URGCP: variants seen among roughly 807,000 people sequenced by gnomAD.
URGCP encodes up-regulator of cell proliferation.
Under a neutral mutation model 24.6 loss-of-function variants are expected in URGCP, and 13 were observed. That is an observed-to-expected ratio of 0.53 (90% CI 0.34 to 0.84). URGCP has a LOEUF of 0.84. Among genes scored for constraint, URGCP ranks in the 40% least tolerant of loss-of-function variants. The pLI, the probability that URGCP is intolerant of heterozygous loss-of-function variation, is 0.01. For synonymous variants in URGCP, 444 were observed against 487.2 expected, an observed-to-expected ratio of 0.91 and a Z score of 1.17; for missense variants, 899 against 1,194.3, an observed-to-expected ratio of 0.75 and a Z score of 3.64.
At chr7:43,923,286 T>C (rs1486497515) in intron 1 of URGCP, among the ~76,000 whole-genome samples, 1 of 150,856 alleles carries the variant, frequency 6.6e-6, no homozygotes, top group Non-Finnish European at 1.5e-5. Context: ...CCAGCCTTTT[T>C]TTTTTTTTTT....
rs2095878707 is a variant in URGCP, at chr7:43,896,486, A to G, written c.15-8670T>C. On this transcript the variant is annotated intron_variant, in intron 1 of 5. Coordinates refer to ENST00000453200, the MANE Select transcript of URGCP (RefSeq NM_001077663.3). ...AAAAAAAAAAAAGATACAAAATTAC[A>G]GTTAGGTAGGAGAATGGGATCTGGT... Among the ~76,000 whole-genome samples, 2 of 151,894 alleles carry G rather than the reference A, an allele frequency of 1.3e-5. 1 individual carries two copies. The highest frequency in any genetic ancestry group is 4.1e-4 in the South Asian group (2 of 4,820).
Position 43,879,213 on chromosome 7 carries a change from T to A in URGCP, c.250A>T (p.Thr84Ser). 6.2e-7 allele frequency: 1 copy of A among 1,613,138 alleles called. No homozygotes were observed. The highest frequency in any genetic ancestry group is 1.1e-5 in the South Asian group (1 of 91,016). ...AGGCTGAGTTTCTGGACCTGGTACG[T>A]CTCTAGGCCCAAAAGTGACAGCATT... Reference protein sequence around the residue: ...QEMLSLLGLETYQVQKLSLQD... With the variant: ...QEMLSLLGLESYQVQKLSLQD... The change falls in exon 6 of 6, where the codon ACG becomes TCG. Residue 84 changes from threonine (T) to serine (S), a missense_variant. By Grantham distance (58) the Thr-to-Ser change is moderately conservative (BLOSUM62 1). Transcript: ENST00000453200.
chr7:43,919,281 A>C, intron 1 of URGCP: 1 of 820,378 alleles, frequency 1.2e-6, no homozygotes, highest in South Asian at 1.3e-5. Context: ...CAAGAGGCTG[A>C]TGCAGAACGC....
intron 1 of URGCP, among the ~76,000 whole-genome samples, chr7:43,900,326 ACGCCTGTAAT>A: frequency 7.0e-6 from 1 of 143,048 alleles, no homozygotes; most frequent in East Asian, 2.2e-4. Context: ...ATGGTGGTGC[ACGCCTGTAAT>A]CCCAGCTACT....
rs1185872545 is a variant in URGCP at position 43,876,107 on chromosome 7, C to G, written c.*560G>C. ...GTGCTGTGGGGCACAACAGAGCGAC[C>G]AGTGAACTCTTCCTGGGCAGGGGTC... On this transcript the variant is annotated 3_prime_UTR_variant, in exon 6 of 6. Transcript: ENST00000453200. 1.3e-5 allele frequency: 2 copies of G among 159,990 alleles called. No homozygotes were observed. The highest frequency in any genetic ancestry group is 1.9e-4 in the East Asian group (1 of 5,346). 9.9% of individuals were successfully genotyped at this position (159,990 alleles called of 1,614,324 possible).
At chr7:43,898,843 A>T (rs1022246963) in intron 1 of URGCP, among the ~76,000 whole-genome samples, 1 of 104,772 alleles carries the variant, frequency 9.5e-6, no homozygotes, top group African/African-American at 3.7e-5. Flanking sequence ...GGAAAGAGTT[A>T]AAAAAAAAAA....
At chr7:43,912,939 C>T (rs2095911621) in intron 1 of URGCP, among the ~76,000 whole-genome samples, 1 of 152,198 alleles carries the variant, frequency 6.6e-6, no homozygotes, top group Admixed American at 6.5e-5. Context: ...CAACCTCCAC[C>T]TCCCGGGTTC....
chr7:43,909,455 G>A (rs938315828), upstream of URGCP, among the ~76,000 whole-genome samples: 3 of 152,174 alleles, frequency 2.0e-5, no homozygotes, highest in African/African-American at 2.4e-5. Context: ...GGCCAGGTAC[G>A]GTGGCTCATG....
chr7:43,923,686 T>C (rs1340835397), intron 1 of URGCP, among the ~76,000 whole-genome samples: 1 of 152,188 alleles, frequency 6.6e-6, no homozygotes, highest in Non-Finnish European at 1.5e-5. Flanking sequence ...TTATTTGTCT[T>C]TTTTATTGAG....
intron 1 of URGCP, among the ~76,000 whole-genome samples, chr7:43,896,584 TAA>T (rs890102809): frequency 4.6e-5 from 7 of 151,902 alleles, no homozygotes; most frequent in African/African-American, 1.7e-4. Flanking sequence ...AACTAGAAGA[TAA>T]AAAAGTTAGT....
chr7:43,918,472 G>T (rs2095917892), intron 1 of URGCP, among the ~76,000 whole-genome samples: 1 of 151,782 alleles, frequency 6.6e-6, no homozygotes, highest in Non-Finnish European at 1.5e-5. Context: ...GTAGAGATGG[G>T]GTTTCACCAT....
At position 43,896,229 on chromosome 7, in the gene URGCP, C is replaced by T. The variant is rs183210341; in HGVS notation, c.15-8413G>A. Among the ~76,000 whole-genome samples the T allele has an allele frequency of 2.2e-4, 34 of 152,030 alleles. No individual in the cohort carries two copies. In the East Asian group the frequency reaches 5.4e-3, roughly 24 times the overall value. On this transcript the variant is annotated intron_variant, in intron 1 of 5. Coordinates refer to ENST00000453200, the MANE Select transcript of URGCP (RefSeq NM_001077663.3). ...TTAAGATACAAAATTACACCAGGTG[C>T]GGTGGCTCACGTGGTCAGGAGCTTG... is the stretch of plus-strand genomic sequence containing the variant.
In URGCP at chr7:43,892,745, G is replaced by A. The variant is rs903959352; in HGVS notation, c.15-4929C>T. On this transcript the variant is annotated intron_variant, in intron 1 of 5. Transcript: ENST00000453200. Reference sequence around the variant, plus strand: ...TCTAGGGGGACACAAGTCAACACACGAGAAGATCTAAGCCAAAAATGGGGT... The same window carrying A: ...TCTAGGGGGACACAAGTCAACACACAAGAAGATCTAAGCCAAAAATGGGGT... Among the ~76,000 whole-genome samples, 4 of 152,136 alleles carry A rather than the reference G, an allele frequency of 2.6e-5. No individual in the cohort carries two copies. The South Asian group carries it at 8.3e-4, about 32-fold the overall frequency.
chr7:43,896,322 G>A (rs1181226663), intron 1 of URGCP, among the ~76,000 whole-genome samples: 1 of 152,070 alleles, frequency 6.6e-6, no homozygotes, highest in Non-Finnish European at 1.5e-5. Flanking sequence ...TGGGCGTGGT[G>A]GCACACGCCT....
intron 1 of URGCP, chr7:43,919,428 C>A: frequency 1.1e-6 from 1 of 904,630 alleles, no homozygotes; most frequent in East Asian, 2.4e-5. Flanking sequence ...CATCACCCTG[C>A]GCTACCCCAG....
At chr7:43,919,923 C>A (rs1044728903) in intron 1 of URGCP, 23 of 1,321,824 alleles carry the variant, frequency 1.7e-5, no homozygotes, top group Non-Finnish European at 2.3e-5. Flanking sequence ...GGAGCCGTTC[C>A]GCAAGGAGGA....
chr7:43,902,301 A>C (rs1289744315), intron 1 of URGCP, among the ~76,000 whole-genome samples: 1 of 151,464 alleles, frequency 6.6e-6, no homozygotes, highest in Admixed American at 6.6e-5. Flanking sequence ...CCTCTACCCC[A>C]ATTAGCCACA....
intron 1 of URGCP, chr7:43,888,321 G>A (rs2095865142): frequency 6.6e-6 from 1 of 152,278 alleles, no homozygotes; most frequent in Admixed American, 6.6e-5. Context: ...GGCCAACATG[G>A]TGAAACCCTG....
intron 1 of URGCP, among the ~76,000 whole-genome samples, chr7:43,925,057 C>T (rs923231405): frequency 3.3e-5 from 5 of 152,016 alleles, no homozygotes; most frequent in Admixed American, 1.3e-4. Flanking sequence ...TGTGCCCGGC[C>T]GAGGATCCTG....
Sources: gnomAD v4.1 joint callset for allele counts (sites outside exome capture counted in the v4.1 genomes callset) on GRCh38, gnomAD v4.1.1 for gene constraint, MANE v1.5 for transcripts, NCBI Gene and HGNC (gene_info 2026-07-23, HGNC 2026-07-21) for gene names.